Variants in LPCAT2 observed in about 807,000 individuals in gnomAD.
LPCAT2 encodes lysophosphatidylcholine acyltransferase 2, also known as 1-AGP acyltransferase 11.
A neutral mutation model predicts 64.7 loss-of-function variants in LPCAT2; 58 were observed. The ratio of observed to expected loss-of-function variants is 0.90; its 90% confidence interval spans 0.73 to 1.12. LPCAT2 has a LOEUF of 1.12. Ranked by LOEUF, LPCAT2 falls within the 50% of genes most tolerant of loss-of-function variation. LPCAT2 has a pLI of 0.00. For missense variants in LPCAT2, 579 were observed against 669.8 expected, an observed-to-expected ratio of 0.86 and a Z score of 1.50; for synonymous variants, 252 against 245.3, an observed-to-expected ratio of 1.03 and a Z score of -0.26.
At chr16:55,532,691 A>G (rs1299866476) in intron 5 of LPCAT2, 133 bp from the exon 6 acceptor site, 1 of 572,332 alleles carries the variant, frequency 1.7e-6, no homozygotes, top group East Asian at 3.2e-5. Flanking sequence ...GGATTTACCA[A>G]CATTTAGCAA....
At chr16:55,509,410 G>A in intron 1 of LPCAT2, 58 bp downstream of exon 1, 1 of 1,288,702 alleles carries the variant, frequency 7.8e-7, no homozygotes. Context: ...GTCAGAGGGG[G>A]GTCCAGGTAA....
chr16:55,539,247 C>CTTTTTTTTTTTTTTTTTTTT (rs11314938), intron 8 of LPCAT2: 1 of 136,198 alleles, frequency 7.3e-6, no homozygotes, highest in Non-Finnish European at 1.6e-5. Context: ...TCATGGCTTT[C>CTTTTTTTTTTTTTTTTTTTT]TTTTTTTTTT....
intron 1 of LPCAT2, among the ~76,000 whole-genome samples, chr16:55,518,019 A>C (rs974360272): frequency 7.9e-5 from 12 of 152,220 alleles, no homozygotes; most frequent in African/African-American, 2.9e-4. Context: ...AACCATCAAG[A>C]TGGCATGATT....
chr16:55,517,854 T>C (rs1963035678), intron 1 of LPCAT2, among the ~76,000 whole-genome samples: 1 of 152,190 alleles, frequency 6.6e-6, no homozygotes. Context: ...GCTAACATAC[T>C]TAATAGTGAA....
chr16:55,534,792 T>C (rs1190262601), intron 7 of LPCAT2, among the ~76,000 whole-genome samples: 3 of 152,174 alleles, frequency 2.0e-5, no homozygotes, highest in African/African-American at 7.2e-5. Flanking sequence ...TTTTGTAGTT[T>C]TATTTCCATT....
chr16:55,572,247 G>A (rs1353285523), intron 11 of LPCAT2, among the ~76,000 whole-genome samples: 1 of 152,128 alleles, frequency 6.6e-6, no homozygotes, highest in Non-Finnish European at 1.5e-5. Flanking sequence ...CCTGACAAGT[G>A]TTACACATAG....
rs1428144442 is a variant in LPCAT2 at position 55,534,454 on chromosome 16, C to G, written c.774C>G (p.Thr258=). 2 of 1,532,422 alleles carry G rather than the reference C, an allele frequency of 1.3e-6. No homozygotes were observed. Among genetic ancestry groups the G allele is most frequent in the South Asian group, 1.2e-5 (1 of 82,392 alleles). 94.9% of individuals were successfully genotyped at this position (1,532,422 alleles called of 1,614,324 possible). A position where few individuals can be genotyped will look rare whatever the true frequency, so the allele number is the denominator to read the frequency against. The change falls in exon 7 of 14, where the codon ACC becomes ACG. Residue 258 remains threonine (T), a synonymous_variant. Coordinates refer to ENST00000262134, the MANE Select transcript of LPCAT2 (RefSeq NM_017839.5). ...LRYPNKLDTV[T]WTWQGYTFIQ... ...TTTTGTTATTATAGGATACTGTGAC[C>G]TGGACATGGCAAGGATATACATTGT...
At chr16:55,537,686 T>A (rs1465662369) in intron 8 of LPCAT2, 54 bp downstream of exon 8, 1 of 1,480,720 alleles carries the variant, frequency 6.8e-7, no homozygotes. Flanking sequence ...TTCCTTTAAT[T>A]TTGAACCTCT....
intron 9 of LPCAT2, among the ~76,000 whole-genome samples, chr16:55,546,868 G>A (rs1479766328): frequency 6.6e-6 from 1 of 152,136 alleles, no homozygotes; most frequent in Non-Finnish European, 1.5e-5. Context: ...AGAGAACTGG[G>A]CTGGGCGCGG....
chr16:55,518,253 TC>T lies in LPCAT2; in HGVS notation c.172-7254del, dbSNP rs202170073. The stretch of plus-strand genomic sequence containing the variant: ...ATTCTACATTGAAAACTACAAAATA[TC>T]ATTGAAAGAAATTAGAGACGACTTA... On this transcript the variant is annotated intron_variant, in intron 1 of 13. Coordinates refer to ENST00000262134, the MANE Select transcript of LPCAT2 (RefSeq NM_017839.5). Among the ~76,000 whole-genome samples, 752 of 152,210 alleles carry T rather than the reference TC, an allele frequency of 4.9e-3. 8 individuals are homozygous for T. Among genetic ancestry groups the T allele is most frequent in the African/African-American group, 0.017 (715 of 41,510 alleles).
chr16:55,545,711 T>A lies in LPCAT2; in HGVS notation c.853-24T>A, dbSNP rs1371053065. 2.7e-6 allele frequency: 4 copies of A among 1,459,238 alleles called. No homozygotes were observed. The East Asian group carries it at 6.8e-5, about 25-fold the overall frequency. The allele number at this position is 1,459,238 out of a possible 1,614,324, so 90.4% of individuals were successfully genotyped here. On this transcript the variant is annotated intron_variant, in intron 8 of 13. Coordinates refer to ENST00000262134, the MANE Select transcript of LPCAT2 (RefSeq NM_017839.5). ...ATGTCTTAGGCTTAAGACATTGTTATGGAAAGGTATATTTGTCTTTCAGTT... is the reference window on the plus strand; with the variant it reads ...ATGTCTTAGGCTTAAGACATTGTTAAGGAAAGGTATATTTGTCTTTCAGTT...
chr16:55,531,225 G>A (rs1186197227), intron 4 of LPCAT2, among the ~76,000 whole-genome samples: 1 of 152,008 alleles, frequency 6.6e-6, no homozygotes, highest in African/African-American at 2.4e-5. Context: ...GTGAGTGCAG[G>A]ATGTTACTTT....
chr16:55,519,950 T>C (rs1820125744), intron 1 of LPCAT2, among the ~76,000 whole-genome samples: 1 of 151,844 alleles, frequency 6.6e-6, no homozygotes, highest in African/African-American at 2.4e-5. Flanking sequence ...AAAGAAAAAT[T>C]TCATGAACTC....
At position 55,549,191 on chromosome 16, in the gene LPCAT2, G is replaced by A. The variant is rs564934161; in HGVS notation, c.936-86G>A. On this transcript the variant is annotated intron_variant, in intron 9 of 13. Transcript: ENST00000262134. Reference sequence around the variant, plus strand: ...AGTAAATACTTTTTCATTTGCTGTCGTTTGGAACCAGTTAAAGCCTAGTGA... The same window carrying A: ...AGTAAATACTTTTTCATTTGCTGTCATTTGGAACCAGTTAAAGCCTAGTGA... 3.1e-5 allele frequency: 34 copies of A among 1,106,094 alleles called. 1 individual carries two copies. Among genetic ancestry groups the A allele is most frequent in the Admixed American group, 8.3e-5 (3 of 36,010 alleles). The allele number at this position is 1,106,094 out of a possible 1,614,324, so 68.5% of individuals were successfully genotyped here. A position where few individuals can be genotyped will look rare whatever the true frequency, so the allele number is the denominator to read the frequency against.
chr16:55,562,518 C>T (rs555402068), intron 11 of LPCAT2, among the ~76,000 whole-genome samples: 25 of 151,908 alleles, frequency 1.6e-4, no homozygotes, highest in African/African-American at 6.0e-4. Context: ...CAGAGGAATT[C>T]AATGAAACCT....
intron 7 of LPCAT2, among the ~76,000 whole-genome samples, chr16:55,535,763 C>G (rs755015549): frequency 2.6e-5 from 4 of 152,088 alleles, no homozygotes; most frequent in Non-Finnish European, 5.9e-5. Flanking sequence ...ATCCTTTGGG[C>G]CTTTACAGGT....
chr16:55,548,325 G>A (rs1322142595), intron 9 of LPCAT2, among the ~76,000 whole-genome samples: 1 of 152,030 alleles, frequency 6.6e-6, no homozygotes, highest in Non-Finnish European at 1.5e-5. Context: ...AGTGAAGTAG[G>A]AACTAGGAGT....
At chr16:55,550,469 G>T (rs1162107366) in intron 10 of LPCAT2, among the ~76,000 whole-genome samples, 1 of 152,104 alleles carries the variant, frequency 6.6e-6, no homozygotes, top group Non-Finnish European at 1.5e-5. Context: ...ACAGACTATG[G>T]ACTCACTAAG....
intron 1 of LPCAT2, among the ~76,000 whole-genome samples, chr16:55,525,117 A>G (rs988595900): frequency 2.0e-5 from 3 of 152,026 alleles, no homozygotes; most frequent in South Asian, 2.1e-4. Context: ...AAAGCTCTCA[A>G]AAAGCAATTT....
Sources: allele counts gnomAD v4.1 joint callset (sites outside exome capture counted in the v4.1 genomes callset), GRCh38; gene constraint gnomAD v4.1.1; transcripts MANE v1.5; gene names NCBI Gene and HGNC (gene_info 2026-07-23, HGNC 2026-07-21).